The following DNAAF10 variants were observed in gnomAD, a reference collection of about 807,000 sequenced individuals.
DNAAF10 encodes dynein axonemal assembly factor 10, also known as WD repeat domain 92.
Under a neutral mutation model 43.7 loss-of-function variants are expected in DNAAF10, and 28 were observed. The observed-to-expected ratio is 0.64, with a 90% CI of 0.48 to 0.88. The LOEUF is 0.88. Ranked by LOEUF, DNAAF10 falls within the 40% of genes least tolerant of loss-of-function variation. The pLI, the probability that DNAAF10 is intolerant of heterozygous loss-of-function variation, is 0.00. For synonymous variants in DNAAF10, 156 were observed against 157.3 expected (o/e 0.99, Z 0.06); for missense variants, 403 against 439.1 (o/e 0.92, Z 0.73).
intron 7 of DNAAF10, among the ~76,000 whole-genome samples, chr2:68,132,996 A>G (rs556961993): frequency 4.5e-4 from 68 of 152,318 alleles, no homozygotes; most frequent in African/African-American, 1.6e-3. Context: ...CGAGCAGCCT[A>G]AAGAGTTTGG....
Position 68,138,745 on chromosome 2 carries a change from A to G in DNAAF10, c.630T>C (p.Asn210=), listed in dbSNP as rs746695412. ...AAAGCCTCAGAATGTACTTTACCCC[A>G]TTTTTGATGTTTGTCTCCCACCGTA... ...MALRWETNIK[N]GVCSLEFDRK... Residue 210 remains asparagine (N), a synonymous_variant, in exon 5 of 8, where the codon AAT becomes AAC. Coordinates refer to ENST00000295121, the MANE Select transcript of DNAAF10 (RefSeq NM_138458.4). 1 of 1,610,594 alleles carries G rather than the reference A, an allele frequency of 6.2e-7. No individual in the cohort carries two copies. The highest frequency in any genetic ancestry group is 1.1e-5 in the South Asian group (1 of 91,008).
intron 4 of DNAAF10, among the ~76,000 whole-genome samples, chr2:68,140,647 G>A (rs968273751): frequency 6.6e-5 from 10 of 152,008 alleles, no homozygotes; most frequent in African/African-American, 1.7e-4. Flanking sequence ...CCTAAAGCTC[G>A]GATTTCATCT....
chr2:68,132,043 T>C (rs1302546676), intron 7 of DNAAF10: 1 of 153,000 alleles, frequency 6.5e-6, no homozygotes, highest in African/African-American at 2.4e-5. Context: ...AAAGTGGTTC[T>C]GAGAACATTT....
chr2:68,134,366 A>G, intron 7 of DNAAF10: 4 of 1,077,004 alleles, frequency 3.7e-6, no homozygotes, highest in Non-Finnish European at 2.2e-6. Context: ...AAATTTAGGC[A>G]AGGAACCCTT....
At position 68,149,245 on chromosome 2, in the gene DNAAF10, G is replaced by A. The variant is rs535829692; in HGVS notation, c.184-1678C>T. ...TCTGATTCAAAGGTTACCATTATATGGTATAGGGCTTTGGAAACTCCCAGA... is the reference window on the plus strand; with the variant it reads ...TCTGATTCAAAGGTTACCATTATATAGTATAGGGCTTTGGAAACTCCCAGA... On this transcript the variant is annotated intron_variant, in intron 1 of 7. Transcript: ENST00000295121. Among the ~76,000 whole-genome samples the A allele has an allele frequency of 6.6e-5, 10 of 152,234 alleles. No homozygotes were observed. The South Asian group carries it at 1.9e-3, about 28-fold the overall frequency.
chr2:68,156,835 A>G (rs917099123), intron 1 of DNAAF10: 1 of 194,660 alleles, frequency 5.1e-6, no homozygotes, highest in Non-Finnish European at 1.1e-5. Context: ...GAGACAACTC[A>G]TCTCGGTTTG....
At chr2:68,151,523 T>C (rs537190746) in intron 1 of DNAAF10, among the ~76,000 whole-genome samples, 2 of 152,278 alleles carry the variant, frequency 1.3e-5, no homozygotes, top group South Asian at 2.1e-4. Context: ...CATGCAATTA[T>C]GTCCCCCTTT....
chr2:68,137,776 A>G (rs1673079651), intron 5 of DNAAF10, among the ~76,000 whole-genome samples: 1 of 151,584 alleles, frequency 6.6e-6, no homozygotes, highest in Admixed American at 6.6e-5. Flanking sequence ...CTGAGGCAGG[A>G]GAATTGCTTG....
In DNAAF10 at chr2:68,157,430, T is replaced by C. The variant is rs1174050663; in HGVS notation, c.14A>G (p.Glu5Gly). Residue 5 changes from glutamate to glycine, a missense_variant, in exon 1 of 8, where the codon GAG becomes GGG. Coordinates refer to ENST00000295121, the MANE Select transcript of DNAAF10 (RefSeq NM_138458.4). ...GATATGGGCGATGATCTGAGGCTTC[T>C]CGAAGGCCGACATGGTGCAGCCAAT... MSAF[E>G]KPQIIAHIQK... is the part of the protein sequence containing the mutation. 1 of 1,614,062 alleles carries C rather than the reference T, an allele frequency of 6.2e-7. No individual in the cohort carries two copies. The highest frequency in any genetic ancestry group is 8.5e-7 in the Non-Finnish European group (1 of 1,180,016).
intron 7 of DNAAF10, 155 bp downstream of exon 7, chr2:68,134,546 AT>A: frequency 1.3e-6 from 2 of 1,485,838 alleles, no homozygotes; most frequent in Non-Finnish European, 1.8e-6. Context: ...TTCATACAAA[AT>A]GCTTAGAAAA....
intron 1 of DNAAF10, among the ~76,000 whole-genome samples, chr2:68,148,353 G>A (rs1305232456): frequency 6.6e-6 from 1 of 152,186 alleles, no homozygotes; most frequent in Non-Finnish European, 1.5e-5. Context: ...GCAAGTCACT[G>A]AAGTAGGCAA....
chr2:68,153,131 G>A (rs1232426514), intron 1 of DNAAF10, among the ~76,000 whole-genome samples: 1 of 152,112 alleles, frequency 6.6e-6, no homozygotes, highest in East Asian at 1.9e-4. Context: ...AGGAAAAAGA[G>A]CTTTTAGCTC....
chr2:68,142,912 G>T (rs532406391), intron 3 of DNAAF10, among the ~76,000 whole-genome samples: 9 of 152,172 alleles, frequency 5.9e-5, no homozygotes, highest in Admixed American at 1.3e-4. Context: ...TTAGAGACAG[G>T]GTCTTGCTCT....
At position 68,156,013 on chromosome 2, in the gene DNAAF10, G is replaced by A. The variant is rs1252200068; in HGVS notation, c.183+1248C>T. On this transcript the variant is annotated intron_variant, in intron 1 of 7. Coordinates refer to ENST00000295121, the MANE Select transcript of DNAAF10 (RefSeq NM_138458.4). ...CACACACCTGTAGTCCCAGCTACTT[G>A]GGAGGCTGAGGTGGGGAGGCGGAGG... Among the ~76,000 whole-genome samples the A allele has an allele frequency of 2.0e-5, 3 of 149,924 alleles. No individual in the cohort carries two copies. In the Admixed American group the frequency reaches 2.0e-4, roughly 10 times the overall value.
Position 68,138,175 on chromosome 2 carries a change from AAAAC to A in DNAAF10, c.633+563_633+566del, listed in dbSNP as rs150999876. Reference sequence around the variant, plus strand: ...GGGCGACAGAGCAAGACTCCATCTCAAAACAAACAAACAAACAAACAAACAAAAA... The same window carrying A: ...GGGCGACAGAGCAAGACTCCATCTCAAAACAAACAAACAAACAAACAAAAA... On this transcript the variant is annotated intron_variant, in intron 5 of 7. Transcript: ENST00000295121. Among the ~76,000 whole-genome samples, 161 of 151,952 alleles carry A rather than the reference AAAAC, an allele frequency of 1.1e-3. 1 individual carries two copies. Among genetic ancestry groups the A allele is most frequent in the African/African-American group, 3.4e-3 (140 of 41,282 alleles).
At position 68,147,497 on chromosome 2, in the gene DNAAF10, G is replaced by A. The variant is rs200352366; in HGVS notation, c.254C>T (p.Thr85Ile). 5 of 1,611,712 alleles carry A rather than the reference G, an allele frequency of 3.1e-6. No homozygotes were observed. The Admixed American group carries it at 5.0e-5, about 16-fold the overall frequency. ...ATGAAGGTTTCCACCAAAATCTCCA[G>A]TAGCTAAATATCTCTGCTGTAAAGA... ...ATSLQQRYLATGDFGGNLHIW... is the reference protein window; with the variant it reads ...ATSLQQRYLAIGDFGGNLHIW... Residue 85 changes from threonine to isoleucine, a missense_variant, in exon 2 of 8, where the codon ACT becomes ATT. Thr to Ile is a moderately conservative substitution (Grantham distance 89, BLOSUM62 -1). Transcript: ENST00000295121.
chr2:68,133,289 T>C (rs901221591), intron 7 of DNAAF10, among the ~76,000 whole-genome samples: 2 of 152,048 alleles, frequency 1.3e-5, no homozygotes, highest in Admixed American at 1.3e-4. Context: ...GTCACCCAGG[T>C]TGGAGTGCAG....
At chr2:68,154,637 A>G (rs1377503900) in intron 1 of DNAAF10, among the ~76,000 whole-genome samples, 1 of 152,220 alleles carries the variant, frequency 6.6e-6, no homozygotes, top group African/African-American at 2.4e-5. Flanking sequence ...TCGTGGACAC[A>G]TATTATTTTT....
chr2:68,137,712 C>T (rs548516185), intron 5 of DNAAF10, among the ~76,000 whole-genome samples: 2 of 150,856 alleles, frequency 1.3e-5, no homozygotes, highest in South Asian at 2.1e-4. Flanking sequence ...ACTAAAAATA[C>T]AAAAATTAGC....
Sources: allele counts gnomAD v4.1 joint callset (sites outside exome capture counted in the v4.1 genomes callset), GRCh38; gene constraint gnomAD v4.1.1; transcripts MANE v1.5; gene names NCBI Gene and HGNC (gene_info 2026-07-23, HGNC 2026-07-21).